Variants in HNF4G observed in about 807,000 individuals in gnomAD.
HNF4G encodes the protein hepatocyte nuclear factor 4 gamma.
HNF4G carries 21 observed loss-of-function variants against 50.9 expected under a neutral mutation model. The observed-to-expected ratio is 0.41, with a 90% confidence interval of 0.29 to 0.59. The LOEUF (loss-of-function observed/expected upper bound fraction) is 0.59. Ranked by LOEUF, HNF4G falls within the 20% of genes least tolerant of loss-of-function variation. The pLI, the probability that HNF4G is intolerant of heterozygous loss-of-function variation, is 0.26. For missense variants in HNF4G, 527 were observed against 559.4 expected, an observed-to-expected ratio of 0.94 and a Z score of 0.58; for synonymous variants, 198 against 185.6, an observed-to-expected ratio of 1.07 and a Z score of -0.54.
intron 2 of HNF4G, among the ~76,000 whole-genome samples, chr8:75,519,792 GT>G (rs1805991592): frequency 6.6e-6 from 1 of 151,914 alleles, no homozygotes; most frequent in Non-Finnish European, 1.5e-5. Flanking sequence ...TTACGTCTTT[GT>G]ATTTAAAGTG....
intron 1 of HNF4G, among the ~76,000 whole-genome samples, chr8:75,417,121 GCACA>G (rs36033284): frequency 0.27 from 40,946 of 151,118 alleles, 5,893 homozygotes; most frequent in African/African-American, 0.37. Flanking sequence ...ACGCGTGTGC[GCACA>G]CACACACACA....
At chr8:75,472,870 T>G (rs1812148651) in intron 1 of HNF4G, among the ~76,000 whole-genome samples, 1 of 152,082 alleles carries the variant, frequency 6.6e-6, no homozygotes, top group Admixed American at 6.6e-5. Context: ...TTTTAAAAAT[T>G]AAATAAATGA....
chr8:75,457,017 T>A (rs533800679), intron 1 of HNF4G, among the ~76,000 whole-genome samples: 1 of 152,336 alleles, frequency 6.6e-6, no homozygotes, highest in South Asian at 2.1e-4. Flanking sequence ...AGTACTAAGA[T>A]AAGGTGTGAG....
At chr8:75,524,257 G>T (rs1806123946) in intron 2 of HNF4G, among the ~76,000 whole-genome samples, 1 of 152,094 alleles carries the variant, frequency 6.6e-6, no homozygotes, top group Non-Finnish European at 1.5e-5. Context: ...GGTACCATAA[G>T]ATATATGAAT....
chr8:75,552,507 TG>T (rs1233520174), intron 4 of HNF4G, among the ~76,000 whole-genome samples: 1 of 152,140 alleles, frequency 6.6e-6, no homozygotes, highest in East Asian at 1.9e-4. Flanking sequence ...TCAACATTGC[TG>T]AGTCACACAT....
At chr8:75,443,250 C>G (rs1436423813) in intron 1 of HNF4G, among the ~76,000 whole-genome samples, 1 of 152,096 alleles carries the variant, frequency 6.6e-6, no homozygotes, top group Non-Finnish European at 1.5e-5. Context: ...AAATAAATTC[C>G]TATTATTTAT....
At chr8:75,452,718 CA>C (rs556934761) in intron 1 of HNF4G, among the ~76,000 whole-genome samples, 88 of 124,960 alleles carry the variant, frequency 7.0e-4, no homozygotes, top group Middle Eastern at 4.6e-3. Context: ...GACTCCGTCT[CA>C]AAAAAAAAAA....
chr8:75,433,933 A>G (rs976779686), intron 1 of HNF4G, among the ~76,000 whole-genome samples: 2 of 152,102 alleles, frequency 1.3e-5, no homozygotes, highest in Non-Finnish European at 2.9e-5. Context: ...ATAGGATTCA[A>G]TATAAAGATA....
At position 75,564,021 on chromosome 8, in the gene HNF4G, A is replaced by T. The variant is rs148532560; in HGVS notation, c.1293A>T (p.Gln431His). Residue 431 changes from glutamine (Q) to histidine (H), a missense_variant, in exon 10 of 10, where the codon CAA becomes CAT. Physicochemically the swap from Gln to His is conservative, Grantham distance 24 (BLOSUM62 0). Coordinates refer to ENST00000396423, the MANE Select transcript of HNF4G (RefSeq NM_004133.5). ...CTTCCCCACCACAAGGCTCTGGGCAAGAACAGTACAAAATAGCTGCAAACC... is the reference window on the plus strand; with the variant it reads ...CTTCCCCACCACAAGGCTCTGGGCATGAACAGTACAAAATAGCTGCAAACC... Reference protein sequence around the residue: ...PLPSPPQGSGQEQYKIAANQA... With the variant: ...PLPSPPQGSGHEQYKIAANQA... The T allele has an allele frequency of 5.9e-5, 95 of 1,613,786 alleles. No homozygotes were observed. Among genetic ancestry groups the T allele is most frequent in the Middle Eastern group, 1.7e-4 (1 of 6,060 alleles).
rs1043888492 is a variant in HNF4G at position 75,549,549 on chromosome 8, C to CT, written c.383-1825dup. Among the ~76,000 whole-genome samples, 1,209 of 131,492 alleles carry CT rather than the reference C, an allele frequency of 9.2e-3. 12 individuals carry two copies. The highest frequency in any genetic ancestry group is 0.026 in the African/African-American group (932 of 35,832). The allele number at this position is 131,492 out of a possible 152,430, so 86.3% of individuals were successfully genotyped here. A position where few individuals can be genotyped will look rare whatever the true frequency, so the allele number is the denominator to read the frequency against. On this transcript the variant is annotated intron_variant, in intron 3 of 9. Transcript: ENST00000396423. ...TCCAACTTACAAAAACTCACTCTTT[C>CT]TTTTTTTTTTTTTTCACAAAGAAGT...
chr8:75,438,640 T>C (rs563754603), intron 1 of HNF4G, among the ~76,000 whole-genome samples: 1 of 152,148 alleles, frequency 6.6e-6, no homozygotes, highest in African/African-American at 2.4e-5. Context: ...CTTGCTTGCT[T>C]TCTGTTTTAT....
chr8:75,497,354 C>T (rs1812797483), intron 2 of HNF4G, among the ~76,000 whole-genome samples: 1 of 152,034 alleles, frequency 6.6e-6, no homozygotes, highest in Admixed American at 6.6e-5. Context: ...GTATAAAGTA[C>T]AATATATAAT....
chr8:75,555,907 A>C, intron 5 of HNF4G, 75 bp from the exon 6 acceptor site: 2 of 810,546 alleles, frequency 2.5e-6, no homozygotes, highest in Non-Finnish European at 1.9e-6. Flanking sequence ...GAACACTCTA[A>C]GTTAACAAGA....
In HNF4G at chr8:75,479,507, C is replaced by T. The variant is rs945561690; in HGVS notation, c.-143-10582C>T. ...ACACTTATTCAGGACAGTAAATATT[C>T]AGAGATAAAACCAGTGTAGAAATTA... On this transcript the variant is annotated intron_variant, in intron 1 of 10. Transcript: ENST00000354370. Among the ~76,000 whole-genome samples, 3 of 151,610 alleles carry T rather than the reference C, an allele frequency of 2.0e-5. No homozygotes were observed. The South Asian group carries it at 6.3e-4, about 32-fold the overall frequency.
At chr8:75,561,757 T>C (rs1807318012) in intron 9 of HNF4G, among the ~76,000 whole-genome samples, 1 of 152,166 alleles carries the variant, frequency 6.6e-6, no homozygotes. Flanking sequence ...TAAGCCTTGG[T>C]AACCAGAATT....
intron 2 of HNF4G, among the ~76,000 whole-genome samples, chr8:75,531,136 AC>A (rs1197764100): frequency 6.6e-6 from 1 of 151,998 alleles, no homozygotes; most frequent in African/African-American, 2.4e-5. Flanking sequence ...CGTTACAAGA[AC>A]CCTTTGAGAT....
chr8:75,420,437 C>T (rs1000732930), intron 1 of HNF4G, among the ~76,000 whole-genome samples: 4 of 152,200 alleles, frequency 2.6e-5, no homozygotes, highest in Non-Finnish European at 4.4e-5. Flanking sequence ...AGGTGTTTGA[C>T]GTTCCGGCCT....
Position 75,564,400 on chromosome 8 carries a change from T to A in HNF4G, c.*304T>A, listed in dbSNP as rs1807403427. On this transcript the variant is annotated 3_prime_UTR_variant, in exon 10 of 10. Transcript: ENST00000396423. Reference sequence around the variant, plus strand: ...GTATGAGTTTCATTTGTTTTATTAATGTTAATTTAAATCTGTAAATAATTG... The same window carrying A: ...GTATGAGTTTCATTTGTTTTATTAAAGTTAATTTAAATCTGTAAATAATTG... The A allele has an allele frequency of 4.9e-6, 1 of 204,036 alleles. No homozygotes were observed. 12.6% of individuals were successfully genotyped at this position (204,036 alleles called of 1,614,324 possible).
chr8:75,421,869 G>T (rs1272580373), intron 1 of HNF4G, among the ~76,000 whole-genome samples: 2 of 152,162 alleles, frequency 1.3e-5, no homozygotes, highest in Non-Finnish European at 2.9e-5. Context: ...GAGCAACAGG[G>T]CATGTTTTTC....
Sources: allele counts gnomAD v4.1 joint callset (sites outside exome capture counted in the v4.1 genomes callset), GRCh38; gene constraint gnomAD v4.1.1; transcripts MANE v1.5; gene names NCBI Gene and HGNC (gene_info 2026-07-23, HGNC 2026-07-21).